Variants in HSPA12A observed in about 807,000 individuals in gnomAD.
The protein encoded by HSPA12A is heat shock 70 kDa protein 12A.
HSPA12A carries 28 observed loss-of-function variants against 69.2 expected under a neutral mutation model. The observed-to-expected ratio is 0.40, with a 90% CI of 0.30 to 0.55. The LOEUF is 0.55. HSPA12A is among the 20% of genes least tolerant of loss of function. HSPA12A has a pLI of 0.38. For synonymous variants in HSPA12A, 345 were observed against 370.5 expected (o/e 0.93, Z 0.79); for missense variants, 686 against 900.7 (o/e 0.76, Z 3.05).
At chr10:116,781,664 C>T (rs566824130) in intron 2 of HSPA12A, among the ~76,000 whole-genome samples, 16 of 152,238 alleles carry the variant, frequency 1.1e-4, no homozygotes, top group African/African-American at 3.9e-4. Context: ...GGATCAAATT[C>T]AAAGCACTCG....
At chr10:116,825,838 G>A (rs1845492211) in intron 2 of HSPA12A, among the ~76,000 whole-genome samples, 1 of 152,170 alleles carries the variant, frequency 6.6e-6, no homozygotes. Context: ...TACACTTTGA[G>A]TGAATTGTAC....
At chr10:116,768,426 G>A (rs1844128262) in intron 2 of HSPA12A, among the ~76,000 whole-genome samples, 1 of 152,168 alleles carries the variant, frequency 6.6e-6, no homozygotes, top group Admixed American at 6.5e-5. Context: ...TTAGACAATG[G>A]TGATGCTTGC....
intron 1 of HSPA12A, among the ~76,000 whole-genome samples, chr10:116,726,363 C>T (rs1324036064): frequency 6.6e-6 from 1 of 152,110 alleles, no homozygotes; most frequent in Admixed American, 6.5e-5. Context: ...TCTCCCTCCT[C>T]CATCTCAGCT....
intron 2 of HSPA12A, among the ~76,000 whole-genome samples, chr10:116,793,152 C>T (rs946929035): frequency 1.3e-5 from 2 of 152,138 alleles, no homozygotes; most frequent in Non-Finnish European, 2.9e-5. Flanking sequence ...CACTAGCAAA[C>T]TACAATAAAG....
intron 2 of HSPA12A, among the ~76,000 whole-genome samples, chr10:116,828,197 C>T (rs1320653825): frequency 6.6e-6 from 1 of 152,146 alleles, no homozygotes; most frequent in Admixed American, 6.6e-5. Flanking sequence ...AAGTTCATTT[C>T]CAAATGTGGT....
chr10:116,713,204 T>C (rs4752003), intron 1 of HSPA12A, among the ~76,000 whole-genome samples: 40,340 of 150,718 alleles, frequency 0.27, 5,656 homozygotes, highest in East Asian at 0.43. Flanking sequence ...AGAAGGAAAA[T>C]AAAAAATCTT....
chr10:116,772,693 T>C (rs1554890626), intron 2 of HSPA12A, among the ~76,000 whole-genome samples: 1 of 151,880 alleles, frequency 6.6e-6, no homozygotes, highest in East Asian at 1.9e-4. Flanking sequence ...TTTGTTTATT[T>C]ATTTATTTAT....
At chr10:116,833,917 G>A (rs534097960) in intron 2 of HSPA12A, among the ~76,000 whole-genome samples, 1 of 152,146 alleles carries the variant, frequency 6.6e-6, no homozygotes, top group Non-Finnish European at 1.5e-5. Context: ...TCTAGCATCT[G>A]GGGTCTGAGA....
At chr10:116,733,179 TG>T (rs1426077494) in intron 1 of HSPA12A, among the ~76,000 whole-genome samples, 2 of 152,208 alleles carry the variant, frequency 1.3e-5, no homozygotes, top group Non-Finnish European at 2.9e-5. Flanking sequence ...TCCTGCCTGA[TG>T]GTTGTGCTGT....
At chr10:116,682,933 G>A (rs1035264241) in intron 7 of HSPA12A, among the ~76,000 whole-genome samples, 8 of 139,928 alleles carry the variant, frequency 5.7e-5, no homozygotes, top group Non-Finnish European at 1.1e-4. Flanking sequence ...TGGATTTCCT[G>A]ACCTCGTGAT....
chr10:116,739,509 C>T (rs1851414298), intron 1 of HSPA12A, among the ~76,000 whole-genome samples: 1 of 152,230 alleles, frequency 6.6e-6, no homozygotes, highest in East Asian at 1.9e-4. Flanking sequence ...TCCTCAAGCC[C>T]GTGCCCTGGA....
At chr10:116,681,689 G>A (rs1849406236) in intron 8 of HSPA12A, 102 bp downstream of exon 8, 6 of 1,006,168 alleles carry the variant, frequency 6.0e-6, no homozygotes, top group Admixed American at 5.9e-5. Context: ...AACCCACTGA[G>A]TTTGAACATT....
At chr10:116,778,891 C>A (rs1844400683) in intron 2 of HSPA12A, among the ~76,000 whole-genome samples, 1 of 152,194 alleles carries the variant, frequency 6.6e-6, no homozygotes, top group African/African-American at 2.4e-5. Context: ...GCTGTGACTG[C>A]ACCATTGCAC....
At chr10:116,773,910 T>C (rs2133122777) in intron 2 of HSPA12A, among the ~76,000 whole-genome samples, 1 of 152,298 alleles carries the variant, frequency 6.6e-6, no homozygotes, top group East Asian at 1.9e-4. Context: ...ATGATAACTA[T>C]GCCACCATTC....
At chr10:116,837,557 G>A (rs770524526) in intron 1 of HSPA12A, among the ~76,000 whole-genome samples, 7 of 152,292 alleles carry the variant, frequency 4.6e-5, no homozygotes, top group Non-Finnish European at 8.8e-5. Flanking sequence ...TGAAAAAGCC[G>A]TAGAACTTTG....
intron 1 of HSPA12A, chr10:116,835,103 G>A (rs1034252618): frequency 3.3e-6 from 3 of 909,798 alleles, no homozygotes; most frequent in Non-Finnish European, 4.3e-6. Flanking sequence ...ACTCGTGCTG[G>A]TTGACGGTTT....
intron 4 of HSPA12A, 68 bp downstream of exon 4, chr10:116,700,875 C>A (rs1236464337): frequency 7.9e-6 from 12 of 1,525,940 alleles, no homozygotes; most frequent in Middle Eastern, 4.7e-4. Context: ...CCCTTCCCCA[C>A]CCCAAGGCTG....
intron 2 of HSPA12A, among the ~76,000 whole-genome samples, chr10:116,755,178 C>G (rs1317338249): frequency 6.6e-6 from 1 of 152,106 alleles, no homozygotes; most frequent in Non-Finnish European, 1.5e-5. Context: ...GTCTCAAACT[C>G]CTAACCTCAA....
At chr10:116,761,579 TA>T (rs58018018) in intron 2 of HSPA12A, among the ~76,000 whole-genome samples, 168 of 138,716 alleles carry the variant, frequency 1.2e-3, no homozygotes, top group African/African-American at 3.5e-3. Context: ...GTAAAAAAAA[TA>T]AAAAAAAAAA....
Sources: allele counts gnomAD v4.1 joint callset (sites outside exome capture counted in the v4.1 genomes callset), GRCh38; gene constraint gnomAD v4.1.1; transcripts MANE v1.5; gene names NCBI Gene and HGNC (gene_info 2026-07-23, HGNC 2026-07-21).